The following PRTG variants were observed in gnomAD, a reference collection of about 807,000 sequenced individuals.
PRTG encodes the protein protogenin, also known as immunoglobulin superfamily, DCC subclass, member 5.
Under a neutral mutation model 122.5 loss-of-function variants are expected in PRTG, and 67 were observed. The ratio of observed to expected loss-of-function variants is 0.55; its 90% CI spans 0.45 to 0.67. The LOEUF (loss-of-function observed/expected upper bound fraction) is 0.67, where lower values mean the gene tolerates loss of function less well. PRTG is among the 30% of genes least tolerant of loss of function. PRTG has a pLI of 0.00. For synonymous variants in PRTG, 554 were observed against 501.1 expected (o/e 1.11, Z -1.41); for missense variants, 1,435 against 1,415.4 (o/e 1.01, Z -0.22).
In PRTG at chr15:55,620,678, CTTCT is replaced by C. The variant is rs1357481636; in HGVS notation, c.3179_3182del (p.Lys1060ArgfsTer25). On this transcript the variant is annotated frameshift_variant, in exon 19 of 20. Coordinates refer to ENST00000389286, the MANE Select transcript of PRTG (RefSeq NM_173814.6). LOFTEE classifies it high-confidence loss of function. Reference sequence around the variant, plus strand: ...GATAGGTTACCTGCTCAACTTGTATCTTCTTTGAGTCTTGGAAAAAAAACCACTT... The same window carrying C: ...GATAGGTTACCTGCTCAACTTGTATCTTGAGTCTTGGAAAAAAAACCACTT... 4.4e-6 allele frequency: 7 copies of C among 1,592,514 alleles called. No individual in the cohort carries two copies. Among genetic ancestry groups the C allele is most frequent in the African/African-American group, 2.7e-5 (2 of 73,226 alleles).
In PRTG at chr15:55,620,201, A is replaced by G; in HGVS notation, c.3264T>C (p.Asp1088=). The G allele has an allele frequency of 6.2e-7, 1 of 1,614,238 alleles. No homozygotes were observed. The highest frequency in any genetic ancestry group is 1.1e-5 in the South Asian group (1 of 91,084). The change falls in exon 20 of 20, where the codon GAT becomes GAC. Residue 1088 remains aspartate, a synonymous_variant. Transcript: ENST00000389286. ...GACCTGGGGAGCTAGGGGAGTCTTCATCACTGATTAATACAGTGGTGCCTG... is the reference window on the plus strand; with the variant it reads ...GACCTGGGGAGCTAGGGGAGTCTTCGTCACTGATTAATACAGTGGTGCCTG... ...YQPGTTVLIS[D]EDSPSSPGQT...
intron 2 of PRTG, among the ~76,000 whole-genome samples, chr15:55,722,821 C>A (rs1484588801): frequency 1.3e-5 from 2 of 152,280 alleles, no homozygotes; most frequent in Admixed American, 6.5e-5. Flanking sequence ...GGCTTGAAGC[C>A]ATGGTGGTCC....
chr15:55,632,535 G>T (rs1037457902), intron 15 of PRTG, among the ~76,000 whole-genome samples: 3 of 151,978 alleles, frequency 2.0e-5, no homozygotes, highest in African/African-American at 7.3e-5. Flanking sequence ...GTCTACATCT[G>T]CCCTTAGTTA....
chr15:55,714,935 C>A (rs1432690166), intron 2 of PRTG, among the ~76,000 whole-genome samples: 2 of 152,144 alleles, frequency 1.3e-5, no homozygotes, highest in African/African-American at 4.8e-5. Flanking sequence ...TTATATACAG[C>A]TCTTTACAGA....
intron 2 of PRTG, among the ~76,000 whole-genome samples, chr15:55,708,444 T>C (rs1000560955): frequency 3.3e-5 from 5 of 151,630 alleles, no homozygotes; most frequent in Admixed American, 3.3e-4. Flanking sequence ...CCATCTCTAC[T>C]AAAAAATACA....
At chr15:55,658,481 C>T (rs2059392453) in intron 11 of PRTG, among the ~76,000 whole-genome samples, 1 of 152,054 alleles carries the variant, frequency 6.6e-6, no homozygotes, top group African/African-American at 2.4e-5. Context: ...CAATGCCCAG[C>T]TAATTTTTGT....
intron 1 of PRTG, chr15:55,742,239 G>A: frequency 6.6e-6 from 1 of 152,350 alleles, no homozygotes; most frequent in Non-Finnish European, 1.5e-5. Flanking sequence ...TTCCAACCCT[G>A]CCAATTCCAC....
At chr15:55,645,861 G>A (rs931028382) in intron 11 of PRTG, among the ~76,000 whole-genome samples, 1 of 152,070 alleles carries the variant, frequency 6.6e-6, no homozygotes, top group African/African-American at 2.4e-5. Context: ...GAAAACAGCA[G>A]AGTTAGAAAG....
chr15:55,633,763 G>C (rs1271379461), intron 15 of PRTG, among the ~76,000 whole-genome samples: 1 of 152,136 alleles, frequency 6.6e-6, no homozygotes, highest in African/African-American at 2.4e-5. Context: ...AGTAAACTCA[G>C]TTGCTTTTTA....
rs1023774769 is a variant in PRTG, at chr15:55,694,704, T to C, written c.398-10773A>G. On this transcript the variant is annotated intron_variant, in intron 2 of 19. Coordinates refer to ENST00000389286, the MANE Select transcript of PRTG (RefSeq NM_173814.6). ...AAATGACTATGTCTTTCACAATGAA[T>C]GTTAGAGCCTTTTAAGACTTCAGTC... 2.6e-5 allele frequency among the ~76,000 whole-genome samples: 4 copies of C among 152,210 alleles called. No individual in the cohort carries two copies. The East Asian group carries it at 7.7e-4, about 29-fold the overall frequency.
intron 11 of PRTG, among the ~76,000 whole-genome samples, chr15:55,658,730 G>T (rs1257312381): frequency 6.6e-6 from 1 of 152,104 alleles, no homozygotes; most frequent in African/African-American, 2.4e-5. Flanking sequence ...TAGAAAAGTT[G>T]TATATTAATT....
intron 15 of PRTG, among the ~76,000 whole-genome samples, chr15:55,631,663 A>T (rs1264233077): frequency 3.3e-5 from 5 of 152,184 alleles, no homozygotes; most frequent in Non-Finnish European, 5.9e-5. Context: ...TCAGACTAGG[A>T]ATCTTACAAG....
intron 15 of PRTG, among the ~76,000 whole-genome samples, chr15:55,632,359 C>T (rs2059232385): frequency 6.6e-6 from 1 of 152,190 alleles, no homozygotes; most frequent in Admixed American, 6.5e-5. Flanking sequence ...CATCAACTCT[C>T]ACATGGACAC....
At chr15:55,620,943 T>C (rs2059162924) in intron 18 of PRTG, among the ~76,000 whole-genome samples, 176 bp from the exon 19 acceptor site, 1 of 152,210 alleles carries the variant, frequency 6.6e-6, no homozygotes, top group African/African-American at 2.4e-5. Flanking sequence ...GGGTACATAT[T>C]GTGTGGTAGT....
chr15:55,667,234 C>T (rs530582546), intron 11 of PRTG, among the ~76,000 whole-genome samples: 1 of 151,070 alleles, frequency 6.6e-6, no homozygotes, highest in African/African-American at 2.4e-5. Flanking sequence ...AGATAATGCA[C>T]TGTAATTCTT....
chr15:55,721,419 T>C (rs1441740980), intron 2 of PRTG, among the ~76,000 whole-genome samples: 2 of 152,220 alleles, frequency 1.3e-5, no homozygotes, highest in African/African-American at 4.8e-5. Flanking sequence ...AATGAGTCTT[T>C]CCTTGAGTGG....
At chr15:55,717,372 G>C (rs1420512972) in intron 2 of PRTG, among the ~76,000 whole-genome samples, 3 of 152,132 alleles carry the variant, frequency 2.0e-5, no homozygotes, top group Non-Finnish European at 2.9e-5. Flanking sequence ...GGAAGAAAAG[G>C]CTTTCTCTTG....
intron 2 of PRTG, among the ~76,000 whole-genome samples, chr15:55,731,341 G>A (rs1386138158): frequency 6.6e-6 from 1 of 151,246 alleles, no homozygotes; most frequent in African/African-American, 2.4e-5. Flanking sequence ...GAAAGCTGAG[G>A]GAGAAGAAAT....
chr15:55,672,500 C>G lies in PRTG; in HGVS notation c.1986G>C (p.Glu662Asp), dbSNP rs764821624. The stretch of plus-strand genomic sequence containing the variant: ...TGGTATCCAAGAAAATGGGCCCATT[C>G]TCCTGCTGCCCTTCTTCCTTGTAGT... Reference protein sequence around the residue: ...KLYYKEEGQQENGPIFLDTKD... With the variant: ...KLYYKEEGQQDNGPIFLDTKD... Residue 662 changes from glutamate to aspartate, a missense_variant, in exon 11 of 20, where the codon GAG becomes GAC. Physicochemically the swap from Glu to Asp is conservative, Grantham distance 45. Transcript: ENST00000389286. The G allele has an allele frequency of 1.2e-6, 2 of 1,614,102 alleles. No individual in the cohort carries two copies. Among genetic ancestry groups the G allele is most frequent in the Non-Finnish European group, 1.7e-6 (2 of 1,179,996 alleles).
Sources: gnomAD v4.1 joint callset for allele counts (sites outside exome capture counted in the v4.1 genomes callset) on GRCh38, gnomAD v4.1.1 for gene constraint, MANE v1.5 for transcripts, NCBI Gene and HGNC (gene_info 2026-07-23, HGNC 2026-07-21) for gene names.